Variants in TPD52L1 observed in about 807,000 individuals in gnomAD.
TPD52L1 encodes the protein tumor protein D53.
TPD52L1 carries 18 observed loss-of-function variants against 28.7 expected under a neutral mutation model. The observed-to-expected ratio is 0.63, with a 90% CI of 0.43 to 0.93. TPD52L1 has a LOEUF of 0.93. Among genes scored for constraint, TPD52L1 ranks in the 40% least tolerant of loss-of-function variants. The probability of loss-of-function intolerance (pLI) is 0.00; values close to 1 mark genes in which losing one functional copy is unlikely to be tolerated. For missense variants in TPD52L1, 203 were observed against 254.8 expected, an observed-to-expected ratio of 0.80 and a Z score of 1.39; for synonymous variants, 75 against 88.8, an observed-to-expected ratio of 0.84 and a Z score of 0.88.
intron 3 of TPD52L1, among the ~76,000 whole-genome samples, chr6:125,246,184 T>A (rs9321026): frequency 6.6e-6 from 1 of 151,992 alleles, no homozygotes; most frequent in African/African-American, 2.4e-5. Flanking sequence ...CCAGCTCTAA[T>A]TTAGGTTAAA....
chr6:125,154,421 C>T, intron 1 of TPD52L1: 1 of 989,410 alleles, frequency 1.0e-6, no homozygotes, highest in Non-Finnish European at 1.2e-6. Context: ...GAGGATCGCC[C>T]GCCGAGGGGG....
chr6:125,210,974 C>T (rs983121043), intron 1 of TPD52L1, among the ~76,000 whole-genome samples: 1 of 152,146 alleles, frequency 6.6e-6, no homozygotes, highest in African/African-American at 2.4e-5. Flanking sequence ...ATCTTGCAAT[C>T]GACGGATCAT....
intron 6 of TPD52L1, among the ~76,000 whole-genome samples, chr6:125,259,449 C>T (rs1797789616): frequency 6.6e-6 from 1 of 152,152 alleles, no homozygotes; most frequent in African/African-American, 2.4e-5. Flanking sequence ...TTAGTTCTGC[C>T]TACGCCCTTA....
intron 1 of TPD52L1, among the ~76,000 whole-genome samples, chr6:125,174,729 G>A (rs1791714207): frequency 6.6e-6 from 1 of 152,148 alleles, no homozygotes; most frequent in African/African-American, 2.4e-5. Flanking sequence ...GTAGAGCATT[G>A]GGGAAAATGC....
At chr6:125,259,788 G>A (rs1270030248) in intron 6 of TPD52L1, among the ~76,000 whole-genome samples, 7 of 152,202 alleles carry the variant, frequency 4.6e-5, no homozygotes, top group African/African-American at 1.4e-4. Context: ...CCAACTCAGC[G>A]ATTCAAATGA....
At chr6:125,201,673 A>G (rs1261980110) in intron 1 of TPD52L1, among the ~76,000 whole-genome samples, 1 of 152,202 alleles carries the variant, frequency 6.6e-6, no homozygotes, top group Non-Finnish European at 1.5e-5. Context: ...TAGATGAAAA[A>G]CAGTATCTCT....
intron 1 of TPD52L1, among the ~76,000 whole-genome samples, chr6:125,172,537 T>TATTATATATTATATATATATATA (rs1562214468): frequency 5.6e-5 from 5 of 88,882 alleles, no homozygotes; most frequent in Non-Finnish European, 8.3e-5. Context: ...TATATATATA[T>TATTATATATTATATATATATATA]ATATATATAT....
intron 3 of TPD52L1, among the ~76,000 whole-genome samples, chr6:125,241,563 T>A (rs560700790): frequency 6.6e-6 from 1 of 152,192 alleles, no homozygotes; most frequent in East Asian, 1.9e-4. Flanking sequence ...TGTATTGATA[T>A]ATTTCCAGGA....
chr6:125,262,552 C>T (rs1408581824), intron 6 of TPD52L1: 7 of 256,964 alleles, frequency 2.7e-5, no homozygotes, highest in South Asian at 6.9e-5. Context: ...TCCATGGATC[C>T]GATTATGCTC....
intron 5 of TPD52L1, among the ~76,000 whole-genome samples, chr6:125,255,468 G>A (rs1482569097): frequency 6.6e-6 from 1 of 152,144 alleles, no homozygotes; most frequent in Non-Finnish European, 1.5e-5. Flanking sequence ...AATTTGACTC[G>A]TGTTTGAGTC....
chr6:125,159,027 T>C (rs959236318), intron 1 of TPD52L1, among the ~76,000 whole-genome samples: 40 of 152,226 alleles, frequency 2.6e-4, no homozygotes, highest in African/African-American at 8.9e-4. Context: ...GGGTCTTGCC[T>C]GGATGTCGAT....
At chr6:125,186,658 T>C (rs1371544864) in intron 1 of TPD52L1, among the ~76,000 whole-genome samples, 1 of 152,228 alleles carries the variant, frequency 6.6e-6, no homozygotes, top group African/African-American at 2.4e-5. Flanking sequence ...CCTTATGTGC[T>C]GTTAATATGT....
At chr6:125,209,772 T>C (rs1441758505) in intron 1 of TPD52L1, among the ~76,000 whole-genome samples, 2 of 152,176 alleles carry the variant, frequency 1.3e-5, no homozygotes, top group East Asian at 3.9e-4. Flanking sequence ...TGTCATATTG[T>C]TCAGGTATGG....
At chr6:125,217,859 C>G (rs1320011771) in intron 1 of TPD52L1, among the ~76,000 whole-genome samples, 4 of 152,146 alleles carry the variant, frequency 2.6e-5, no homozygotes, top group African/African-American at 9.7e-5. Flanking sequence ...TCTTCTGCAA[C>G]TTGCATTTTT....
chr6:125,229,956 A>G (rs1795843288), intron 3 of TPD52L1, among the ~76,000 whole-genome samples: 1 of 152,020 alleles, frequency 6.6e-6, no homozygotes, highest in African/African-American at 2.4e-5. Context: ...GTGTGATGGC[A>G]TGCCCCTGTA....
At chr6:125,228,161 C>T (rs1289943292) in intron 2 of TPD52L1, among the ~76,000 whole-genome samples, 3 of 151,974 alleles carry the variant, frequency 2.0e-5, no homozygotes, top group Non-Finnish European at 4.4e-5. Context: ...TATCTGCAAA[C>T]TAAACCCTAG....
intron 1 of TPD52L1, among the ~76,000 whole-genome samples, chr6:125,201,451 T>C (rs1349502419): frequency 1.3e-5 from 2 of 152,250 alleles, no homozygotes; most frequent in Non-Finnish European, 2.9e-5. Flanking sequence ...TTTGTAGTTT[T>C]CTACCACTAC....
intron 2 of TPD52L1, among the ~76,000 whole-genome samples, chr6:125,226,522 T>C (rs771699796): frequency 6.6e-6 from 1 of 152,084 alleles, no homozygotes; most frequent in South Asian, 2.1e-4. Context: ...AATACACTTA[T>C]GGGGCTCCAT....
intron 1 of TPD52L1, among the ~76,000 whole-genome samples, chr6:125,155,329 C>A (rs991341737): frequency 1.3e-5 from 2 of 152,214 alleles, no homozygotes; most frequent in African/African-American, 4.8e-5. Flanking sequence ...CTTGGCCAAC[C>A]CCATCCCAGT....
Sources: gnomAD v4.1 joint callset for allele counts (sites outside exome capture counted in the v4.1 genomes callset) on GRCh38, gnomAD v4.1.1 for gene constraint, MANE v1.5 for transcripts, NCBI Gene and HGNC (gene_info 2026-07-23, HGNC 2026-07-21) for gene names.